Variants in TNKS observed in about 807,000 individuals in gnomAD.
The protein encoded by TNKS is tankyrase.
In TNKS, 72 loss-of-function variants were observed where a neutral mutation model predicts 135.8. That is an observed-to-expected ratio of 0.53 (90% confidence interval 0.44 to 0.64). TNKS has a LOEUF of 0.64. Among genes scored for constraint, TNKS ranks in the 30% least tolerant of loss-of-function variants. The pLI, the probability that TNKS is intolerant of heterozygous loss-of-function variation, is 0.00. For synonymous variants in TNKS, 849 were observed against 649.3 expected, an observed-to-expected ratio of 1.31 and a Z score of -4.68; for missense variants, 1,769 against 1,674.0, an observed-to-expected ratio of 1.06 and a Z score of -0.99.
intron 3 of TNKS, among the ~76,000 whole-genome samples, chr8:9,616,273 G>A (rs990163934): frequency 6.6e-6 from 1 of 152,132 alleles, no homozygotes; most frequent in East Asian, 1.9e-4. Context: ...CCAGCAAAGA[G>A]GAAATGCTAG....
intron 3 of TNKS, chr8:9,670,773 C>T (rs1156399601): frequency 6.6e-6 from 1 of 152,182 alleles, no homozygotes; most frequent in Non-Finnish European, 1.5e-5. Flanking sequence ...TTCATGCATA[C>T]AAAGCCTTGC....
intron 13 of TNKS, among the ~76,000 whole-genome samples, chr8:9,728,826 C>T (rs549267100): frequency 2.0e-5 from 3 of 152,226 alleles, no homozygotes; most frequent in South Asian, 2.1e-4. Context: ...ACTGTGAACT[C>T]GCCTTTACTG....
In TNKS at chr8:9,765,727, G is replaced by C. The variant is rs1807401017; in HGVS notation, c.3483G>C (p.Arg1161=). Residue 1161 remains arginine, a synonymous_variant, in exon 24 of 27, where the codon CGG becomes CGC. Transcript: ENST00000310430. ...QKVVNKKLRE[R]FCHRQKEVSE... is the part of the protein sequence containing the mutation. ...TTGTCAACAAGAAGTTGAGGGAGCGGTTCTGCCACCGACAGAAGGAAGTGT... is the reference window on the plus strand; with the variant it reads ...TTGTCAACAAGAAGTTGAGGGAGCGCTTCTGCCACCGACAGAAGGAAGTGT... The C allele has an allele frequency of 1.2e-6, 2 of 1,613,866 alleles. No individual in the cohort carries two copies. The highest frequency in any genetic ancestry group is 2.2e-5 in the East Asian group (1 of 44,878).
intron 11 of TNKS, 130 bp from the exon 12 acceptor site, chr8:9,720,244 A>T: frequency 1.2e-6 from 1 of 832,566 alleles, no homozygotes; most frequent in Non-Finnish European, 1.7e-6. Context: ...AAAAGTTTAT[A>T]ATCAATATCT....
chr8:9,687,913 G>T (rs1232560505), intron 5 of TNKS, among the ~76,000 whole-genome samples: 1 of 152,160 alleles, frequency 6.6e-6, no homozygotes, highest in African/African-American at 2.4e-5. Context: ...TGTTCTTTCT[G>T]CCTTTACAAG....
chr8:9,624,873 TATA>T (rs1233079520), intron 3 of TNKS, among the ~76,000 whole-genome samples: 1 of 152,182 alleles, frequency 6.6e-6, no homozygotes, highest in Non-Finnish European at 1.5e-5. Context: ...CAGCTTTAGT[TATA>T]ATAACTAATA....
Position 9,770,446 on chromosome 8 carries a change from C to G in TNKS, c.3897+184C>G, listed in dbSNP as rs149061468. On this transcript the variant is annotated intron_variant, in intron 26 of 26. Coordinates refer to ENST00000310430, the MANE Select transcript of TNKS (RefSeq NM_003747.3). ...TTGACATCAACTTTTTACCTAAAACCCATTAGTAGCTGTCAGCCACATAAC... is the reference window on the plus strand; with the variant it reads ...TTGACATCAACTTTTTACCTAAAACGCATTAGTAGCTGTCAGCCACATAAC... 1.0e-3 allele frequency among the ~76,000 whole-genome samples: 152 copies of G among 152,244 alleles called. 1 individual carries two copies. The highest frequency in any genetic ancestry group is 3.2e-3 in the African/African-American group (134 of 41,534).
intron 5 of TNKS, among the ~76,000 whole-genome samples, chr8:9,703,133 C>A (rs574945830): frequency 6.6e-6 from 1 of 152,242 alleles, no homozygotes; most frequent in African/African-American, 2.4e-5. Flanking sequence ...TGCCTGAAGC[C>A]TCGGATAGTA....
At chr8:9,718,642 C>T (rs1206223340) in intron 11 of TNKS, among the ~76,000 whole-genome samples, 7 of 152,046 alleles carry the variant, frequency 4.6e-5, no homozygotes, top group Admixed American at 3.9e-4. Context: ...AATGAAAATA[C>T]GTACACTAAG....
At chr8:9,659,529 G>A (rs1029865520) in intron 3 of TNKS, among the ~76,000 whole-genome samples, 4 of 152,134 alleles carry the variant, frequency 2.6e-5, no homozygotes, top group African/African-American at 9.7e-5. Context: ...GATGTTCTTT[G>A]AAACCAACGA....
chr8:9,582,406 G>A (rs1563093869), intron 2 of TNKS, among the ~76,000 whole-genome samples: 1 of 152,122 alleles, frequency 6.6e-6, no homozygotes, highest in Non-Finnish European at 1.5e-5. Flanking sequence ...TTTTTGCCTA[G>A]ATGATGAAAT....
chr8:9,710,310 G>T, intron 11 of TNKS, 90 bp downstream of exon 11: 1 of 1,236,650 alleles, frequency 8.1e-7, no homozygotes, highest in Non-Finnish European at 1.2e-6. Context: ...TTTTTCTGAA[G>T]AAACTAATTT....
chr8:9,700,360 T>C (rs1441347384), intron 5 of TNKS, among the ~76,000 whole-genome samples: 1 of 152,200 alleles, frequency 6.6e-6, no homozygotes, highest in Non-Finnish European at 1.5e-5. Context: ...GATTTCGCTT[T>C]CCTTGTTTTC....
chr8:9,703,171 T>A (rs1029815532), intron 5 of TNKS, among the ~76,000 whole-genome samples: 56 of 152,194 alleles, frequency 3.7e-4, no homozygotes, highest in African/African-American at 1.3e-3. Flanking sequence ...TTTTTTGATC[T>A]CATAACTGAG....
intron 5 of TNKS, among the ~76,000 whole-genome samples, chr8:9,694,901 T>C (rs1245795660): frequency 6.6e-6 from 1 of 152,176 alleles, no homozygotes; most frequent in African/African-American, 2.4e-5. Flanking sequence ...AAAATATTTA[T>C]ATTTTATGCT....
At chr8:9,761,960 A>C (rs759087714) in intron 21 of TNKS, among the ~76,000 whole-genome samples, 1 of 152,176 alleles carries the variant, frequency 6.6e-6, no homozygotes, top group Non-Finnish European at 1.5e-5. Flanking sequence ...TCCAGCCTTT[A>C]CATTTGCTTC....
Position 9,779,000 on chromosome 8 carries a change from A to C in TNKS, c.*2264A>C, listed in dbSNP as rs1808355407. 2 of 152,212 alleles carry C rather than the reference A, an allele frequency of 1.3e-5. No individual in the cohort carries two copies. The highest frequency in any genetic ancestry group is 4.8e-5 in the African/African-American group (2 of 41,446). The allele number at this position is 152,212 out of a possible 1,614,324, so 9.4% of individuals were successfully genotyped here. A position where few individuals can be genotyped will look rare whatever the true frequency, so the allele number is the denominator to read the frequency against. ...AAGTTAAACTGTGGTTCAGTATTTA[A>C]ACTGCCAGTGTTATACGTCTCATGC... On this transcript the variant is annotated 3_prime_UTR_variant, in exon 27 of 27. Transcript: ENST00000310430.
At chr8:9,732,267 T>C (rs1489469278) in intron 14 of TNKS, among the ~76,000 whole-genome samples, 1 of 152,224 alleles carries the variant, frequency 6.6e-6, no homozygotes, top group African/African-American at 2.4e-5. Context: ...TGCTAAATTA[T>C]TTTGTCTAGG....
chr8:9,704,787 G>C (rs375688365), intron 6 of TNKS, 30 bp downstream of exon 6: 2 of 1,577,362 alleles, frequency 1.3e-6, no homozygotes, highest in Non-Finnish European at 1.7e-6. Context: ...TCCTGTCAGT[G>C]CTTTGTTTTT....
Sources: allele counts gnomAD v4.1 joint callset (sites outside exome capture counted in the v4.1 genomes callset), GRCh38; gene constraint gnomAD v4.1.1; transcripts MANE v1.5; gene names NCBI Gene and HGNC (gene_info 2026-07-23, HGNC 2026-07-21).